The following MON2 variants were observed in gnomAD, a reference collection of about 807,000 sequenced individuals.
The protein encoded by MON2 is MON2 regulator of endosome-to-Golgi trafficking, also known as protein MON2 homolog.
A neutral mutation model predicts 208.6 loss-of-function variants in MON2; 84 were observed. The ratio of observed to expected loss-of-function variants is 0.40; its 90% CI spans 0.34 to 0.48. The LOEUF is 0.48. Among genes scored for constraint, MON2 ranks in the 20% least tolerant of loss-of-function variants. The probability of loss-of-function intolerance (pLI) is 0.59; values close to 1 mark genes in which losing one functional copy is unlikely to be tolerated. For missense variants in MON2, 1,611 were observed against 2,015.4 expected (o/e 0.80, Z 3.84); for synonymous variants, 660 against 694.0 (o/e 0.95, Z 0.77).
chr12:62,560,936 A>G lies in MON2; in HGVS notation c.3855A>G (p.Gln1285=). 1.9e-6 allele frequency: 3 copies of G among 1,613,948 alleles called. No individual in the cohort carries two copies. The South Asian group carries it at 3.3e-5, about 18-fold the overall frequency. The stretch of plus-strand genomic sequence containing the variant: ...TTCAGATATTTCCAGCTCTCTACCA[A>G]CACATAAAAACTGGTTTCAATATGG... The part of the protein sequence containing the change: ...ALIQIFPALY[Q]HIKTGFNMDD... Residue 1285 remains glutamine, a synonymous_variant, in exon 26 of 35, where the codon CAA becomes CAG. Transcript: ENST00000393630.
At chr12:62,563,272 A>T (rs1322361364) in intron 26 of MON2, among the ~76,000 whole-genome samples, 1 of 152,164 alleles carries the variant, frequency 6.6e-6, no homozygotes, top group African/African-American at 2.4e-5. Flanking sequence ...GTTATGTGGG[A>T]TATTTGTAAG....
At chr12:62,552,813 A>G in intron 23 of MON2, 68 bp from the exon 24 acceptor site, 3 of 1,185,262 alleles carry the variant, frequency 2.5e-6, no homozygotes, top group East Asian at 2.4e-5. Flanking sequence ...AAACAGCCAC[A>G]TGTTGCATAT....
chr12:62,563,505 T>C (rs181576112), intron 26 of MON2, among the ~76,000 whole-genome samples: 8 of 152,266 alleles, frequency 5.3e-5, no homozygotes, highest in African/African-American at 1.7e-4. Context: ...AAATATTATC[T>C]AGATTGCTTA....
intron 1 of MON2, among the ~76,000 whole-genome samples, chr12:62,472,239 T>A (rs1231231397): frequency 2.6e-5 from 4 of 152,084 alleles, no homozygotes; most frequent in Non-Finnish European, 1.5e-5. Flanking sequence ...GCAGTGGGGT[T>A]GGGGAGTGAG....
At chr12:62,528,143 A>G (rs2072435104) in intron 11 of MON2, among the ~76,000 whole-genome samples, 1 of 152,120 alleles carries the variant, frequency 6.6e-6, no homozygotes, top group African/African-American at 2.4e-5. Flanking sequence ...GCCAGAAAAT[A>G]TTGGGTGTTC....
chr12:62,487,231 G>A (rs1416003242), intron 2 of MON2, among the ~76,000 whole-genome samples: 1 of 151,844 alleles, frequency 6.6e-6, no homozygotes, highest in Non-Finnish European at 1.5e-5. Context: ...TCATTTACAA[G>A]GCCAAATACC....
intron 2 of MON2, among the ~76,000 whole-genome samples, chr12:62,492,416 C>T (rs1453373748): frequency 7.4e-6 from 1 of 135,978 alleles, no homozygotes; most frequent in Non-Finnish European, 1.5e-5. Flanking sequence ...CCAGGCCGGA[C>T]TGCGGACTGC....
intron 22 of MON2, among the ~76,000 whole-genome samples, chr12:62,549,183 T>A (rs1238965355): frequency 3.3e-5 from 5 of 152,326 alleles, no homozygotes; most frequent in Admixed American, 3.3e-4. Context: ...TTTGTTAATT[T>A]GTTTAAGTAA....
At chr12:62,564,916 A>T (rs1565691430) in intron 26 of MON2, 1 of 199,956 alleles carries the variant, frequency 5.0e-6, no homozygotes. Context: ...TAATGGCCTA[A>T]TGGCTGTATT....
chr12:62,528,372 G>A (rs1460486461), intron 11 of MON2, among the ~76,000 whole-genome samples: 1 of 152,100 alleles, frequency 6.6e-6, no homozygotes, highest in Non-Finnish European at 1.5e-5. Context: ...CGTAAGTATT[G>A]GTGGCATATT....
intron 4 of MON2, among the ~76,000 whole-genome samples, chr12:62,496,620 A>G (rs532919839): frequency 4.6e-5 from 7 of 152,344 alleles, no homozygotes; most frequent in African/African-American, 1.4e-4. Flanking sequence ...ATAGGAGAAA[A>G]TCTTTGTGAT....
intron 26 of MON2, among the ~76,000 whole-genome samples, chr12:62,561,384 C>T (rs1340207893): frequency 6.6e-6 from 1 of 151,936 alleles, no homozygotes; most frequent in African/African-American, 2.4e-5. Flanking sequence ...TTTGTCCACG[C>T]AAGTCTTCAC....
chr12:62,549,773 T>C lies in MON2; in HGVS notation c.2859T>C (p.Gly953=). ...TGCAAATAGTTGTAGATGTTGCAGGTAGCTTTGGCCTCCATAACCAAGAAC... is the reference window on the plus strand; with the variant it reads ...TGCAAATAGTTGTAGATGTTGCAGGCAGCTTTGGCCTCCATAACCAAGAAC... The part of the protein sequence containing the change: ...TCLQIVVDVA[G]SFGLHNQELN... Residue 953 remains glycine (G), a synonymous_variant, in exon 23 of 35, where the codon GGT becomes GGC. Transcript: ENST00000393630. 6.2e-7 allele frequency: 1 copy of C among 1,612,958 alleles called. No homozygotes were observed. The highest frequency in any genetic ancestry group is 1.1e-5 in the South Asian group (1 of 90,814).
chr12:62,565,911 C>A, intron 27 of MON2, 103 bp from the exon 28 acceptor site: 2 of 1,075,568 alleles, frequency 1.9e-6, no homozygotes, highest in Non-Finnish European at 2.6e-6. Context: ...TGATTTTGTT[C>A]ACTCAACATA....
In MON2 at chr12:62,472,473, G is replaced by T. The variant is rs546393775; in HGVS notation, c.111+5155G>T. Among the ~76,000 whole-genome samples, 233 of 152,338 alleles carry T rather than the reference G, an allele frequency of 1.5e-3. 2 individuals carry two copies. Among genetic ancestry groups the T allele is most frequent in the Non-Finnish European group, 2.7e-3 (187 of 68,030 alleles). On this transcript the variant is annotated intron_variant, in intron 1 of 34. Transcript: ENST00000393630. Reference sequence around the variant, plus strand: ...TATAAATAATTTAAAAGTGCAAGTAGTCTTCCTAGGCTATGTAGTTTAAGT... The same window carrying T: ...TATAAATAATTTAAAAGTGCAAGTATTCTTCCTAGGCTATGTAGTTTAAGT...
At chr12:62,486,250 T>C (rs1417936871) in intron 2 of MON2, among the ~76,000 whole-genome samples, 1 of 127,782 alleles carries the variant, frequency 7.8e-6, no homozygotes, top group African/African-American at 2.6e-5. Context: ...GTGGAAGACT[T>C]TTTTTAAAAA....
At chr12:62,537,556 A>T in intron 15 of MON2, 46 bp from the exon 16 acceptor site, 1 of 1,388,282 alleles carries the variant, frequency 7.2e-7, no homozygotes. Context: ...TTTAATTTTT[A>T]AGAATACATA....
chr12:62,581,554 G>A (rs955541906), intron 32 of MON2, among the ~76,000 whole-genome samples: 6 of 152,196 alleles, frequency 3.9e-5, no homozygotes, highest in South Asian at 4.1e-4. Flanking sequence ...CAAGACTCTT[G>A]TCTCATATAT....
chr12:62,545,009 G>A lies in MON2; in HGVS notation c.2577+1G>A. On this transcript the variant is annotated splice_donor_variant, in intron 21 of 34. Transcript: ENST00000393630. LOFTEE classifies it high-confidence loss of function. ...TGATCCTCCACTCTCACAAAACCAG[G>A]TAATAAAAACCTTACTTTTTAAAAA... 6.5e-7 allele frequency: 1 copy of A among 1,546,150 alleles called. No homozygotes were observed.
Sources: allele counts gnomAD v4.1 joint callset (sites outside exome capture counted in the v4.1 genomes callset), GRCh38; gene constraint gnomAD v4.1.1; transcripts MANE v1.5; gene names NCBI Gene and HGNC (gene_info 2026-07-23, HGNC 2026-07-21).